GALNTL6: variants seen among roughly 807,000 people sequenced by gnomAD.
GALNTL6 encodes polypeptide N-acetylgalactosaminyltransferase-like 6.
Under a neutral mutation model 73.7 loss-of-function variants are expected in GALNTL6, and 46 were observed. The observed-to-expected ratio is 0.62, with a 90% CI of 0.49 to 0.80. GALNTL6 has a LOEUF of 0.80. GALNTL6 is among the 30% of genes least tolerant of loss of function. The pLI, the probability that GALNTL6 is intolerant of heterozygous loss-of-function variation, is 0.00. For missense variants in GALNTL6, 604 were observed against 755.0 expected (o/e 0.80, Z 2.34); for synonymous variants, 259 against 263.7 (o/e 0.98, Z 0.17).
At chr4:171,887,927 A>G (rs1578942878) in intron 2 of GALNTL6, among the ~76,000 whole-genome samples, 1 of 152,202 alleles carries the variant, frequency 6.6e-6, no homozygotes, top group African/African-American at 2.4e-5. Flanking sequence ...TAGTATACCT[A>G]TAGCTGATAG....
Position 172,640,667 on chromosome 4 carries a change from T to C in GALNTL6, c.554-168694T>C, listed in dbSNP as rs141696608. 3.1e-4 allele frequency among the ~76,000 whole-genome samples: 47 copies of C among 152,160 alleles called. 1 individual carries two copies. In the South Asian group the frequency reaches 4.1e-3, roughly 13 times the overall value. ...TGTCACTCTATGTGTCCAAATTTCCTCTTCTTCAAAGAACAAATCAGATTG... is the reference window on the plus strand; with the variant it reads ...TGTCACTCTATGTGTCCAAATTTCCCCTTCTTCAAAGAACAAATCAGATTG... On this transcript the variant is annotated intron_variant, in intron 5 of 12. Transcript: ENST00000506823.
chr4:172,632,907 A>G (rs577365499), intron 5 of GALNTL6, among the ~76,000 whole-genome samples: 9 of 152,360 alleles, frequency 5.9e-5, no homozygotes, highest in African/African-American at 2.2e-4. Context: ...AGCTCAGGCC[A>G]TTGCTTCAGA....
At chr4:172,546,272 CTATT>C (rs1735746173) in intron 5 of GALNTL6, among the ~76,000 whole-genome samples, 1 of 152,136 alleles carries the variant, frequency 6.6e-6, no homozygotes, top group Non-Finnish European at 1.5e-5. Flanking sequence ...ATTTACTTAT[CTATT>C]TAACAACTTT....
At chr4:172,972,024 A>T (rs1750606771) in intron 10 of GALNTL6, among the ~76,000 whole-genome samples, 2 of 152,176 alleles carry the variant, frequency 1.3e-5, no homozygotes, top group Non-Finnish European at 2.9e-5. Flanking sequence ...ATAAGAAAGA[A>T]GGGTTTGAGA....
At chr4:172,524,750 C>T (rs948263661) in intron 5 of GALNTL6, among the ~76,000 whole-genome samples, 6 of 152,186 alleles carry the variant, frequency 3.9e-5, no homozygotes, top group African/African-American at 1.4e-4. Context: ...TTAACAGTAT[C>T]ATTTGGTGAC....
intron 2 of GALNTL6, among the ~76,000 whole-genome samples, chr4:172,156,547 A>ATATATATATATAG (rs1560945619): frequency 8.8e-6 from 1 of 113,776 alleles, no homozygotes; most frequent in African/African-American, 3.9e-5. Flanking sequence ...TATAATATAT[A>ATATATATATATAG]TATATATATA....
intron 3 of GALNTL6, among the ~76,000 whole-genome samples, chr4:172,297,994 T>C (rs1283715933): frequency 2.6e-5 from 4 of 152,222 alleles, no homozygotes; most frequent in Non-Finnish European, 4.4e-5. Context: ...GCATGGAATG[T>C]TCTTCCATTT....
intron 4 of GALNTL6, among the ~76,000 whole-genome samples, chr4:172,347,431 G>A (rs1331908826): frequency 1.3e-5 from 2 of 152,188 alleles, no homozygotes; most frequent in East Asian, 3.9e-4. Flanking sequence ...AGAACACTGT[G>A]AAGTGTAATG....
At chr4:172,484,195 G>C (rs760276823) in intron 5 of GALNTL6, among the ~76,000 whole-genome samples, 1 of 152,116 alleles carries the variant, frequency 6.6e-6, no homozygotes, top group Non-Finnish European at 1.5e-5. Flanking sequence ...AAAGATTTTA[G>C]ATAGTCTCGC....
chr4:172,040,283 A>G (rs1445826782), intron 2 of GALNTL6, among the ~76,000 whole-genome samples: 1 of 152,054 alleles, frequency 6.6e-6, no homozygotes, highest in Admixed American at 6.6e-5. Context: ...TATTAAAGGT[A>G]TTTATCTGGA....
At chr4:171,885,525 G>T (rs186941625) in intron 2 of GALNTL6, among the ~76,000 whole-genome samples, 22 of 152,226 alleles carry the variant, frequency 1.4e-4, no homozygotes, top group Admixed American at 1.3e-3. Flanking sequence ...AAAATTATAG[G>T]CTAGGCATGG....
intron 3 of GALNTL6, among the ~76,000 whole-genome samples, chr4:172,264,212 T>G (rs1358967827): frequency 6.6e-6 from 1 of 151,368 alleles, no homozygotes; most frequent in Non-Finnish European, 1.5e-5. Flanking sequence ...AGGAAGATAT[T>G]TTATTCACCT....
intron 3 of GALNTL6, among the ~76,000 whole-genome samples, chr4:172,285,333 G>C (rs925183074): frequency 2.0e-5 from 3 of 152,108 alleles, no homozygotes; most frequent in African/African-American, 7.2e-5. Flanking sequence ...ATCAGATTCT[G>C]ATATGCAGGA....
At chr4:172,729,201 T>C (rs114415868) in intron 5 of GALNTL6, among the ~76,000 whole-genome samples, 1 of 152,292 alleles carries the variant, frequency 6.6e-6, no homozygotes, top group Non-Finnish European at 1.5e-5. Context: ...TTATTGATTG[T>C]TTCCTTTGTA....
intron 8 of GALNTL6, among the ~76,000 whole-genome samples, chr4:172,894,241 G>C (rs537640262): frequency 5.5e-4 from 83 of 151,894 alleles, no homozygotes; most frequent in African/African-American, 1.6e-3. Context: ...GCTAATTTTG[G>C]GGATTGGTTT....
intron 2 of GALNTL6, among the ~76,000 whole-genome samples, chr4:172,136,527 T>G (rs575135172): frequency 2.0e-5 from 3 of 152,158 alleles, no homozygotes; most frequent in African/African-American, 7.2e-5. Context: ...TTTTTCTCCA[T>G]GACCTTGAAA....
intron 3 of GALNTL6, among the ~76,000 whole-genome samples, chr4:172,252,793 T>C (rs1737926211): frequency 1.3e-5 from 2 of 151,844 alleles, no homozygotes; most frequent in Admixed American, 1.3e-4. Flanking sequence ...AGTGCCACAG[T>C]GGGAGGAAGT....
Position 172,356,204 on chromosome 4 carries a change from A to G in GALNTL6, c.553+7515A>G, listed in dbSNP as rs148240346. On this transcript the variant is annotated intron_variant, in intron 5 of 12. Coordinates refer to ENST00000506823, the MANE Select transcript of GALNTL6 (RefSeq NM_001034845.3). Reference sequence around the variant, plus strand: ...TTTCATGGCAGATTAAATCCCATTTATTTTTCTTTCAGACAGCTGTTTTGA... The same window carrying G: ...TTTCATGGCAGATTAAATCCCATTTGTTTTTCTTTCAGACAGCTGTTTTGA... Among the ~76,000 whole-genome samples the G allele has an allele frequency of 5.3e-5, 8 of 152,240 alleles. No homozygotes were observed. The East Asian group carries it at 1.5e-3, about 29-fold the overall frequency.
rs1394628051 is a variant in GALNTL6, at chr4:172,747,303, CA to C, written c.554-62055del. On this transcript the variant is annotated intron_variant, in intron 5 of 12. Transcript: ENST00000506823. ...TATTATTCAAAATATACAGGAAACT[CA>C]AACTACTCAATGACAAGAAAACAAA... Among the ~76,000 whole-genome samples the C allele has an allele frequency of 7.2e-5, 11 of 152,036 alleles. No homozygotes were observed. In the East Asian group the frequency reaches 1.5e-3, roughly 21 times the overall value.
Sources: allele counts gnomAD v4.1 joint callset (sites outside exome capture counted in the v4.1 genomes callset), GRCh38; gene constraint gnomAD v4.1.1; transcripts MANE v1.5; gene names NCBI Gene and HGNC (gene_info 2026-07-23, HGNC 2026-07-21).